The following USP24 variants were observed in gnomAD, a reference collection of about 807,000 sequenced individuals.
USP24 encodes ubiquitin specific peptidase 24, also known as ubiquitin carboxyl-terminal hydrolase 24.
A neutral mutation model predicts 361.6 loss-of-function variants in USP24; 97 were observed. That is an observed-to-expected ratio of 0.27 (90% CI 0.23 to 0.32). The LOEUF (loss-of-function observed/expected upper bound fraction) is 0.32, where lower values mean the gene tolerates loss of function less well. Ranked by LOEUF, USP24 falls within the 10% of genes least tolerant of loss-of-function variation. USP24 has a pLI of 1.00. For synonymous variants in USP24, 1,098 were observed against 1,124.6 expected, an observed-to-expected ratio of 0.98 and a Z score of 0.47; for missense variants, 2,353 against 3,165.6, an observed-to-expected ratio of 0.74 and a Z score of 6.16.
At chr1:55,107,557 A>G (rs1645810247) in intron 39 of USP24, 127 bp from the exon 40 acceptor site, 2 of 1,156,614 alleles carry the variant, frequency 1.7e-6, no homozygotes, top group East Asian at 5.4e-5. Flanking sequence ...AAAAACTATC[A>G]TTAAGGCCAG....
intron 16 of USP24, among the ~76,000 whole-genome samples, chr1:55,151,608 A>AT (rs75062273): frequency 1.3e-5 from 2 of 151,968 alleles, no homozygotes; most frequent in African/African-American, 2.4e-5. Flanking sequence ...TGGTTTAGTA[A>AT]TTTTTTTTGG....
At chr1:55,169,539 C>T (rs1026841378) in intron 5 of USP24, among the ~76,000 whole-genome samples, 2 of 151,944 alleles carry the variant, frequency 1.3e-5, no homozygotes, top group Admixed American at 1.3e-4. Context: ...AATTTACAAA[C>T]ATTAAAGAGA....
chr1:55,190,164 CAAAAAAA>C (rs397696116), intron 1 of USP24, among the ~76,000 whole-genome samples: 2 of 78,740 alleles, frequency 2.5e-5, no homozygotes, highest in Non-Finnish European at 2.2e-5. Flanking sequence ...GACTCCATCT[CAAAAAAA>C]AAAAAAAAAA....
intron 42 of USP24, among the ~76,000 whole-genome samples, chr1:55,103,362 A>G (rs1645689063): frequency 6.6e-6 from 1 of 152,196 alleles, no homozygotes; most frequent in Non-Finnish European, 1.5e-5. Flanking sequence ...ATATTGTATC[A>G]CATTACATTG....
intron 6 of USP24, 87 bp from the exon 7 acceptor site, chr1:55,166,037 T>C: frequency 8.1e-7 from 1 of 1,229,266 alleles, no homozygotes; most frequent in Non-Finnish European, 1.1e-6. Flanking sequence ...AGTAGGTGTA[T>C]ATGTTTATGG....
At chr1:55,109,512 G>A (rs189283666) in intron 39 of USP24, among the ~76,000 whole-genome samples, 3 of 152,178 alleles carry the variant, frequency 2.0e-5, no homozygotes, top group East Asian at 3.9e-4. Flanking sequence ...TTTACCTCTG[G>A]CCTTCAGGAA....
chr1:55,153,677 T>C (rs983920196), intron 16 of USP24, among the ~76,000 whole-genome samples, 193 bp downstream of exon 16: 1 of 152,146 alleles, frequency 6.6e-6, no homozygotes, highest in Non-Finnish European at 1.5e-5. Context: ...CCTAGATTTT[T>C]TTTCCCATTA....
At chr1:55,127,847 A>G (rs567966) in intron 32 of USP24, among the ~76,000 whole-genome samples, 113,306 of 152,006 alleles carry the variant, frequency 0.75, 43,499 homozygotes, top group East Asian at 0.96. Flanking sequence ...TCAATTTACT[A>G]TCACCCCTTT....
chr1:55,182,154 C>T (rs532944796), intron 1 of USP24, among the ~76,000 whole-genome samples: 1 of 152,302 alleles, frequency 6.6e-6, no homozygotes, highest in Admixed American at 6.5e-5. Flanking sequence ...CGGGTTCAAG[C>T]GATTCTCCTG....
rs1318347698 is a variant in USP24 at position 55,141,623 on chromosome 1, G to A, written c.2743C>T (p.Pro915Ser). ...MPTVATSVQS[P>S]YRSTKLVIIE... Reference sequence around the variant, plus strand: ...TCACTTCTGATCACTTACCTATAAGGAGACTGAACTGAGGTTGCTACAGTT... The same window carrying A: ...TCACTTCTGATCACTTACCTATAAGAAGACTGAACTGAGGTTGCTACAGTT... Residue 915 changes from proline to serine, a missense_variant, in exon 24 of 68, where the codon CCT becomes TCT. Physicochemically the swap from Pro to Ser is moderately conservative, Grantham distance 74. Coordinates refer to ENST00000294383, the MANE Select transcript of USP24 (RefSeq NM_015306.3). 1.2e-6 allele frequency: 2 copies of A among 1,610,712 alleles called. No homozygotes were observed. The highest frequency in any genetic ancestry group is 8.5e-7 in the Non-Finnish European group (1 of 1,178,302).
At chr1:55,082,577 A>G (rs946062146) in intron 58 of USP24, among the ~76,000 whole-genome samples, 7 of 152,342 alleles carry the variant, frequency 4.6e-5, no homozygotes, top group Non-Finnish European at 8.8e-5. Flanking sequence ...ACTTGAGCCC[A>G]GGAGTTTGAG....
intron 53 of USP24, 72 bp downstream of exon 53, chr1:55,092,749 A>T: frequency 8.8e-7 from 1 of 1,131,402 alleles, no homozygotes; most frequent in Non-Finnish European, 1.3e-6. Flanking sequence ...AGGATGAATC[A>T]CTGAATGCTT....
rs1570320676 is a variant in USP24, at chr1:55,069,011, G to A, written c.*34C>T. 7 of 1,609,916 alleles carry A rather than the reference G, an allele frequency of 4.3e-6. No homozygotes were observed. Among genetic ancestry groups the A allele is most frequent in the Non-Finnish European group, 5.1e-6 (6 of 1,176,194 alleles). On this transcript the variant is annotated 3_prime_UTR_variant, in exon 68 of 68. Transcript: ENST00000294383. The stretch of plus-strand genomic sequence containing the variant: ...AAGAAGGTGCTGAGCATCCAGTATT[G>A]TGTCTTGACTCCTCTCAGGCTGGGC...
chr1:55,161,580 G>A (rs2100766149), intron 8 of USP24, among the ~76,000 whole-genome samples: 1 of 152,198 alleles, frequency 6.6e-6, no homozygotes, highest in South Asian at 2.1e-4. Flanking sequence ...AAGTTATAGG[G>A]TCCACAGACT....
At chr1:55,167,689 C>T (rs1052254973) in intron 5 of USP24, among the ~76,000 whole-genome samples, 10 of 152,048 alleles carry the variant, frequency 6.6e-5, no homozygotes, top group South Asian at 6.2e-4. Context: ...CAGCAGAAGG[C>T]GCCGAGAGAG....
intron 1 of USP24, among the ~76,000 whole-genome samples, chr1:55,205,392 T>C (rs1326751850): frequency 6.6e-6 from 1 of 152,158 alleles, no homozygotes; most frequent in East Asian, 1.9e-4. Flanking sequence ...GGCAACTAAA[T>C]AGAAACTCCA....
chr1:55,083,520 C>G (rs149958351), intron 57 of USP24, among the ~76,000 whole-genome samples, 156 bp from the exon 58 acceptor site: 1 of 152,062 alleles, frequency 6.6e-6, no homozygotes, highest in Non-Finnish European at 1.5e-5. Flanking sequence ...ATTAAAAAAA[C>G]TCCTGAGCCT....
intron 52 of USP24, 157 bp downstream of exon 52, chr1:55,093,780 C>T: frequency 9.9e-7 from 1 of 1,013,726 alleles, no homozygotes; most frequent in Non-Finnish European, 1.4e-6. Context: ...TCTATGGCCC[C>T]CTCTGTGTCG....
intron 58 of USP24, among the ~76,000 whole-genome samples, chr1:55,082,544 C>T (rs754389204): frequency 2.0e-5 from 3 of 152,182 alleles, no homozygotes; most frequent in Admixed American, 6.5e-5. Context: ...AAAACAACCT[C>T]GGTAAGCCGA....
Sources: gnomAD v4.1 joint callset for allele counts (sites outside exome capture counted in the v4.1 genomes callset) on GRCh38, gnomAD v4.1.1 for gene constraint, MANE v1.5 for transcripts, NCBI Gene and HGNC (gene_info 2026-07-23, HGNC 2026-07-21) for gene names.